OPA1: variants seen among roughly 807,000 people sequenced by gnomAD.
OPA1 encodes the protein dynamin-like GTPase OPA1, mitochondrial.
OPA1 carries 59 observed loss-of-function variants against 152.9 expected under a neutral mutation model. That is an observed-to-expected ratio of 0.39 (90% confidence interval 0.31 to 0.48). OPA1 has a LOEUF of 0.48. Ranked by LOEUF, OPA1 falls within the 20% of genes least tolerant of loss-of-function variation. The pLI is 0.96. For synonymous variants in OPA1, 400 were observed against 389.9 expected (o/e 1.03, Z -0.31); for missense variants, 1,008 against 1,216.8 (o/e 0.83, Z 2.55).
chr3:193,610,705 C>CT (rs1008599067), intron 1 of OPA1, among the ~76,000 whole-genome samples: 3 of 152,348 alleles, frequency 2.0e-5, no homozygotes, highest in African/African-American at 7.2e-5. Context: ...TTCCCAGCTG[C>CT]TTTTTTTACC....
At position 193,645,753 on chromosome 3, in the gene OPA1, T is replaced by A; in HGVS notation, c.1707T>A (p.Ala569=). The change falls in exon 18 of 31, where the codon GCT becomes GCA. Residue 569 remains alanine (A), a synonymous_variant. Coordinates refer to ENST00000361510, the MANE Select transcript of OPA1 (RefSeq NM_130837.3). ...GGAACAGCTCTGAAAGCATTGAAGC[T>A]ATAAGAGAATATGAAGAAGAGTTTT... ...GKGNSSESIE[A]IREYEEEFFQ... 2 of 1,613,690 alleles carry A rather than the reference T, an allele frequency of 1.2e-6. No individual in the cohort carries two copies. The highest frequency in any genetic ancestry group is 1.7e-6 in the Non-Finnish European group (2 of 1,179,744).
intron 11 of OPA1, among the ~76,000 whole-genome samples, chr3:193,640,350 G>A (rs1368503352): frequency 6.6e-6 from 1 of 152,178 alleles, no homozygotes; most frequent in African/African-American, 2.4e-5. Flanking sequence ...GAGCAGGACA[G>A]TGTGCGCAAA....
intron 1 of OPA1, among the ~76,000 whole-genome samples, chr3:193,613,721 G>A (rs779520527): frequency 2.0e-5 from 3 of 152,138 alleles, no homozygotes; most frequent in Non-Finnish European, 4.4e-5. Flanking sequence ...GGGATTACAG[G>A]CACACACCAA....
intron 1 of OPA1, among the ~76,000 whole-genome samples, chr3:193,604,932 G>A (rs2108812240): frequency 6.6e-6 from 1 of 151,740 alleles, no homozygotes; most frequent in Non-Finnish European, 1.5e-5. Context: ...ACCTTTATAT[G>A]CAAGTTGCTG....
chr3:193,691,849 GGTCA>G, intron 29 of OPA1: 1 of 476,082 alleles, frequency 2.1e-6, no homozygotes, highest in Non-Finnish European at 3.9e-6. Context: ...TCCTCAAAGG[GGTCA>G]GTCAGTCTCT....
intron 1 of OPA1, among the ~76,000 whole-genome samples, chr3:193,606,353 G>T (rs1382031958): frequency 2.6e-5 from 4 of 151,892 alleles, no homozygotes; most frequent in Non-Finnish European, 5.9e-5. Flanking sequence ...TGCCATGTTG[G>T]TGTGCTGCAC....
At chr3:193,674,204 T>G (rs1718515745) in intron 29 of OPA1, among the ~76,000 whole-genome samples, 1 of 152,214 alleles carries the variant, frequency 6.6e-6, no homozygotes, top group East Asian at 1.9e-4. Context: ...ACTTTCCCAG[T>G]CTCCTCTTAT....
intron 6 of OPA1, 159 bp from the exon 7 acceptor site, chr3:193,625,933 G>A (rs558836930): frequency 5.7e-5 from 37 of 649,946 alleles, no homozygotes; most frequent in Middle Eastern, 8.4e-4. Flanking sequence ...ATGGAAATGC[G>A]GTACAGAGCC....
At chr3:193,638,406 G>C (rs867694548) in intron 11 of OPA1, among the ~76,000 whole-genome samples, 47 of 152,180 alleles carry the variant, frequency 3.1e-4, no homozygotes, top group African/African-American at 1.1e-3. Flanking sequence ...CAAAAGAGCA[G>C]AGAAATGAAG....
At chr3:193,692,973 G>T (rs1721879867) in intron 30 of OPA1, among the ~76,000 whole-genome samples, 1 of 152,220 alleles carries the variant, frequency 6.6e-6, no homozygotes. Flanking sequence ...GTCCAGGCTG[G>T]CATTTGCTTT....
At chr3:193,624,194 A>T (rs1247473985) in intron 6 of OPA1, 1 of 152,254 alleles carries the variant, frequency 6.6e-6, no homozygotes, top group African/African-American at 2.4e-5. Context: ...AATATGGCTG[A>T]TCCAAAGGGA....
In OPA1 at chr3:193,677,291, CTTT is replaced by C. The variant is rs752472474; in HGVS notation, c.2983+10027_2983+10029del. ...TGCACAATTTTTTTTTCTTTTACTT[CTTT>C]TTTTTTTTTTTTTTTCTTTAGAAAG... On this transcript the variant is annotated intron_variant, in intron 29 of 30. Transcript: ENST00000361510. 1.5e-3 allele frequency among the ~76,000 whole-genome samples: 191 copies of C among 125,432 alleles called. 1 individual carries two copies. The highest frequency in any genetic ancestry group is 5.4e-3 in the African/African-American group (184 of 33,806). 82.3% of individuals were successfully genotyped at this position (125,432 alleles called of 152,430 possible). A position where few individuals can be genotyped will look rare whatever the true frequency, so the allele number is the denominator to read the frequency against.
Position 193,659,478 on chromosome 3 carries a change from C to G in OPA1, c.2441-4C>G, listed in dbSNP as rs763386320. On this transcript the variant is annotated splice_polypyrimidine_tract_variant and splice_region_variant and intron_variant, in intron 24 of 30. Coordinates refer to ENST00000361510, the MANE Select transcript of OPA1 (RefSeq NM_130837.3). ...ATTCTTGATTAATTAATTTTTTTTTCTAGCTGAAAATGCAATTGAAAACAT... is the reference window on the plus strand; with the variant it reads ...ATTCTTGATTAATTAATTTTTTTTTGTAGCTGAAAATGCAATTGAAAACAT... 6.2e-7 allele frequency: 1 copy of G among 1,602,190 alleles called. No individual in the cohort carries two copies. Among genetic ancestry groups the G allele is most frequent in the Non-Finnish European group, 8.5e-7 (1 of 1,172,994 alleles).
At chr3:193,620,107 G>T (rs1468262295) in intron 6 of OPA1, among the ~76,000 whole-genome samples, 1 of 152,196 alleles carries the variant, frequency 6.6e-6, no homozygotes, top group Admixed American at 6.5e-5. Flanking sequence ...CCTAATAGTT[G>T]TGGCTTATTT....
chr3:193,607,583 G>A (rs571288133), intron 1 of OPA1, among the ~76,000 whole-genome samples: 5 of 152,060 alleles, frequency 3.3e-5, no homozygotes, highest in East Asian at 1.9e-4. Context: ...GTAGATATGC[G>A]GCGTTATTTC....
In OPA1 at chr3:193,662,801, C is replaced by G. The variant is rs761788480; in HGVS notation, c.2521-21C>G. On this transcript the variant is annotated intron_variant, in intron 25 of 30. Coordinates refer to ENST00000361510, the MANE Select transcript of OPA1 (RefSeq NM_130837.3). ...AAATTATGAACCATCTAAACACAGT[C>G]CTTTTTTAAACATTTTAAAGTGTGT... The G allele has an allele frequency of 4.5e-5, 73 of 1,608,168 alleles. No homozygotes were observed. In the Middle Eastern group the frequency reaches 9.9e-4, roughly 22 times the overall value.
chr3:193,628,349 A>G (rs906048615), intron 7 of OPA1, among the ~76,000 whole-genome samples: 9 of 152,132 alleles, frequency 5.9e-5, no homozygotes, highest in African/African-American at 1.7e-4. Flanking sequence ...TTTGCTTCCT[A>G]TGGATATGTT....
intron 1 of OPA1, among the ~76,000 whole-genome samples, chr3:193,601,957 C>G (rs1465917970): frequency 6.6e-6 from 1 of 152,192 alleles, no homozygotes; most frequent in Non-Finnish European, 1.5e-5. Context: ...AACAGTTACC[C>G]TGGTTTTGTG....
intron 29 of OPA1, among the ~76,000 whole-genome samples, chr3:193,675,096 G>A (rs1205247626): frequency 1.3e-5 from 2 of 152,052 alleles, no homozygotes; most frequent in Non-Finnish European, 2.9e-5. Flanking sequence ...ACGTCACTTT[G>A]GAAAATTTGG....
Sources: gnomAD v4.1 joint callset for allele counts (sites outside exome capture counted in the v4.1 genomes callset) on GRCh38, gnomAD v4.1.1 for gene constraint, MANE v1.5 for transcripts, NCBI Gene and HGNC (gene_info 2026-07-23, HGNC 2026-07-21) for gene names.